POLR2F: variants seen among roughly 807,000 people sequenced by gnomAD.
The protein encoded by POLR2F is RNA polymerase II, I and III subunit F.
A neutral mutation model predicts 22.7 loss-of-function variants in POLR2F; 12 were observed. The observed-to-expected ratio is 0.53, with a 90% CI of 0.34 to 0.86. POLR2F has a LOEUF of 0.86. Ranked by LOEUF, POLR2F falls within the 40% of genes least tolerant of loss-of-function variation. POLR2F has a pLI of 0.02. For synonymous variants in POLR2F, 57 were observed against 66.0 expected (o/e 0.86, Z 0.66); for missense variants, 126 against 171.5 (o/e 0.73, Z 1.48).
At chr22:38,000,298 T>A (rs916030701) in intron 1 of POLR2F, among the ~76,000 whole-genome samples, 3 of 152,094 alleles carry the variant, frequency 2.0e-5, no homozygotes, top group African/African-American at 7.2e-5. Flanking sequence ...GGAGCTGAGG[T>A]CTAGAAAAGA....
intron 1 of POLR2F, chr22:38,025,496 TCA>T (rs1184223292): frequency 1.4e-6 from 2 of 1,418,312 alleles, no homozygotes; most frequent in African/African-American, 2.9e-5. Context: ...ACATTCACAC[TCA>T]CAGTCCCAAC....
intron 1 of POLR2F, among the ~76,000 whole-genome samples, chr22:38,018,777 T>A (rs966878750): frequency 1.3e-5 from 2 of 152,076 alleles, no homozygotes; most frequent in Non-Finnish European, 2.9e-5. Flanking sequence ...GGTTCAGCAG[T>A]GGGGAGATGA....
upstream of POLR2F, among the ~76,000 whole-genome samples, chr22:37,982,980 G>A (rs765256981): frequency 2.0e-4 from 30 of 152,188 alleles, no homozygotes; most frequent in Non-Finnish European, 3.8e-4. Context: ...CTTTCCAAGC[G>A]TTTCCCTCGT....
intron 1 of POLR2F, among the ~76,000 whole-genome samples, chr22:37,998,802 A>G (rs2084741649): frequency 6.6e-6 from 1 of 150,902 alleles, no homozygotes; most frequent in Non-Finnish European, 1.5e-5. Context: ...GCACTGATCG[A>G]CTCCCAGAGG....
Position 37,967,756 on chromosome 22 carries a change from C to A in POLR2F, c.*41C>A, listed in dbSNP as rs1316703635. 3.8e-6 allele frequency: 6 copies of A among 1,591,192 alleles called. No individual in the cohort carries two copies. The Admixed American group carries it at 1.1e-4, about 29-fold the overall frequency. ...CTGCCCTTGCCCCATGCCCAATTTT[C>A]ATTCTCACTTTATATGTGTAAATAA... On this transcript the variant is annotated 3_prime_UTR_variant, in exon 5 of 5. Coordinates refer to ENST00000442738, the MANE Select transcript of POLR2F (RefSeq NM_021974.5).
intron 2 of POLR2F, chr22:37,958,508 T>C (rs1398788202): frequency 1.3e-5 from 2 of 152,188 alleles, no homozygotes; most frequent in Non-Finnish European, 2.9e-5. Flanking sequence ...TACTTAATTC[T>C]TTATATACCA....
intron 5 of POLR2F, among the ~76,000 whole-genome samples, chr22:38,039,136 G>C (rs1299819414): frequency 6.6e-6 from 1 of 152,238 alleles, no homozygotes; most frequent in Non-Finnish European, 1.5e-5. Context: ...CTGCGCTTGA[G>C]GGGGCCGCCG....
chr22:38,034,755 C>G (rs1410514023), intron 5 of POLR2F, among the ~76,000 whole-genome samples: 1 of 152,182 alleles, frequency 6.6e-6, no homozygotes, highest in Non-Finnish European at 1.5e-5. Flanking sequence ...CAGCTCGGAA[C>G]AATGAGTCAG....
At chr22:37,966,999 G>T in intron 3 of POLR2F, 100 bp from the exon 4 acceptor site, 1 of 792,554 alleles carries the variant, frequency 1.3e-6, no homozygotes. Flanking sequence ...AGAAGATGAC[G>T]TTTCTAGGTG....
In POLR2F at chr22:37,986,544, TG is replaced by T. The variant is rs768023226; in HGVS notation, c.120+237del. 2.9e-6 allele frequency: 3 copies of T among 1,030,898 alleles called. No individual in the cohort carries two copies. The highest frequency in any genetic ancestry group is 2.7e-5 in the South Asian group (2 of 73,294). The allele number at this position is 1,030,898 out of a possible 1,614,324, so 63.9% of individuals were successfully genotyped here. A position where few individuals can be genotyped will look rare whatever the true frequency, so the allele number is the denominator to read the frequency against. On this transcript the variant is annotated intron_variant, in intron 1 of 2. Coordinates refer to the POLR2F transcript ENST00000333418. The surrounding 1 kb of genome is among the most constrained non-coding windows in gnomAD (Gnocchi z 4.7). ...TGGTCCAGCTGTGCCAGGATGGGGGTGGGGGTAGCAGTGGGCACGCTCTGTC... is the reference window on the plus strand; with the variant it reads ...TGGTCCAGCTGTGCCAGGATGGGGGTGGGGTAGCAGTGGGCACGCTCTGTC...
intron 1 of POLR2F, among the ~76,000 whole-genome samples, chr22:37,993,647 C>A (rs1932759740): frequency 6.6e-6 from 1 of 152,090 alleles, no homozygotes; most frequent in South Asian, 2.1e-4. Flanking sequence ...CCTTCCCATG[C>A]CTCAATCTCC....
downstream of POLR2F, chr22:37,973,298 G>T: frequency 1.8e-6 from 1 of 565,090 alleles, no homozygotes; most frequent in African/African-American, 1.9e-5. Flanking sequence ...TGTTCTCCTG[G>T]GGCTTTGCTG....
chr22:38,001,969 AG>A (rs1748714350), intron 1 of POLR2F, among the ~76,000 whole-genome samples: 1 of 151,954 alleles, frequency 6.6e-6, no homozygotes. Context: ...CTGGGATTAC[AG>A]GCACCTGCCA....
At chr22:37,969,631 G>A (rs1931985762), downstream of POLR2F, among the ~76,000 whole-genome samples, 1 of 152,126 alleles carries the variant, frequency 6.6e-6, no homozygotes, top group Non-Finnish European at 1.5e-5. Flanking sequence ...CAGGAGTAGT[G>A]AACAGACCAC....
At chr22:37,994,416 C>T (rs1020456173) in intron 1 of POLR2F, among the ~76,000 whole-genome samples, 7 of 152,320 alleles carry the variant, frequency 4.6e-5, no homozygotes, top group South Asian at 2.1e-4. Context: ...GGTGCCATCA[C>T]GGCTCACTGC....
At chr22:38,027,512 A>T (rs1442201667), downstream of POLR2F, among the ~76,000 whole-genome samples, 2 of 151,972 alleles carry the variant, frequency 1.3e-5, no homozygotes, top group East Asian at 3.9e-4. Flanking sequence ...TGCCCAGGCC[A>T]TTCCTTCTGC....
intron 1 of POLR2F, among the ~76,000 whole-genome samples, chr22:38,000,362 T>C (rs1036265060): frequency 2.0e-5 from 3 of 152,168 alleles, no homozygotes; most frequent in African/African-American, 7.2e-5. Context: ...CTCTTCTACA[T>C]TGGGCTAGGA....
chr22:38,028,445 C>G (rs891977428), downstream of POLR2F, among the ~76,000 whole-genome samples: 1 of 152,016 alleles, frequency 6.6e-6, no homozygotes, highest in Admixed American at 6.6e-5. Flanking sequence ...GTGACTGATA[C>G]GGGGGCTCAT....
At chr22:38,010,966 A>C (rs1225607176) in intron 1 of POLR2F, among the ~76,000 whole-genome samples, 7 of 151,926 alleles carry the variant, frequency 4.6e-5, no homozygotes, top group African/African-American at 1.7e-4. Flanking sequence ...AGGAAGTATA[A>C]GTTATCAATT....
Sources: gnomAD v4.1 joint callset for allele counts (sites outside exome capture counted in the v4.1 genomes callset) on GRCh38, gnomAD v4.1.1 for gene constraint, Gnocchi (gnomAD v3.1) non-coding constraint, MANE v1.5 for transcripts, NCBI Gene and HGNC (gene_info 2026-07-23, HGNC 2026-07-21) for gene names.